LRRC14: variants seen among roughly 807,000 people sequenced by gnomAD.
The protein encoded by LRRC14 is leucine rich repeat containing 14.
A neutral mutation model predicts 25.3 loss-of-function variants in LRRC14; 16 were observed. That is an observed-to-expected ratio of 0.63 (90% CI 0.43 to 0.96). The LOEUF (loss-of-function observed/expected upper bound fraction) is 0.96. LRRC14 is among the 40% of genes least tolerant of loss of function. The pLI, the probability that LRRC14 is intolerant of heterozygous loss-of-function variation, is 0.00. For synonymous variants in LRRC14, 359 were observed against 295.1 expected, an observed-to-expected ratio of 1.22 and a Z score of -2.22; for missense variants, 594 against 660.5, an observed-to-expected ratio of 0.90 and a Z score of 1.10.
rs80106055 is a variant in LRRC14, at chr8:144,524,688, C to T, written c.*3210C>T. ...TGGCGCCAGGGCTCCCGGCTCTAGG[C>T]GGGCGATGTTGTTGTCCTGCAGGAA... On this transcript the variant is annotated 3_prime_UTR_variant, in exon 4 of 4. Transcript: ENST00000292524. The T allele has an allele frequency of 5.1e-3, 7,526 of 1,470,706 alleles. 327 individuals are homozygous for T. In the African/African-American group the frequency reaches 0.096, roughly 19 times the overall value. 91.1% of individuals were successfully genotyped at this position (1,470,706 alleles called of 1,614,324 possible). A position where few individuals can be genotyped will look rare whatever the true frequency, so the allele number is the denominator to read the frequency against.
In LRRC14 at chr8:144,524,296, G is replaced by T; in HGVS notation, c.*2818G>T. On this transcript the variant is annotated 3_prime_UTR_variant, in exon 4 of 4. Coordinates refer to ENST00000292524, the MANE Select transcript of LRRC14 (RefSeq NM_014665.4). ...TGCAGTCGCTGAAGTAAGGACAGCA[G>T]ATCGTGAGGAAAAAGGGCGCCGAGG... 6.2e-7 allele frequency: 1 copy of T among 1,609,574 alleles called. No homozygotes were observed. Among genetic ancestry groups the T allele is most frequent in the Non-Finnish European group, 8.5e-7 (1 of 1,179,806 alleles).
Position 144,521,285 on chromosome 8 carries a change from T to A in LRRC14, c.1289T>A (p.Phe430Tyr), listed in dbSNP as rs780244955. Residue 430 changes from phenylalanine to tyrosine, a missense_variant, in exon 4 of 4, where the codon TTC becomes TAC. Transcript: ENST00000292524. ...GAGCTGCGTACTGTGGTGCACCCCTTCCCTGTGGACTGCTATGAGGGCTTG... is the reference window on the plus strand; with the variant it reads ...GAGCTGCGTACTGTGGTGCACCCCTACCCTGTGGACTGCTATGAGGGCTTG... ...QAELRTVVHP[F>Y]PVDCYEGLPW... The A allele has an allele frequency of 1.2e-6, 2 of 1,613,068 alleles. No homozygotes were observed. The highest frequency in any genetic ancestry group is 2.2e-5 in the South Asian group (2 of 91,086).
rs1307456935 is a variant in LRRC14, at chr8:144,523,833, A to G, written c.*2355A>G. On this transcript the variant is annotated 3_prime_UTR_variant, in exon 4 of 4. Transcript: ENST00000292524. ...TGGTCAGCTGTCTCTCTCCTTTGCAATTTTGTCTGCCTCCCCTCAGCCTAA... is the reference window on the plus strand; with the variant it reads ...TGGTCAGCTGTCTCTCTCCTTTGCAGTTTTGTCTGCCTCCCCTCAGCCTAA... The G allele has an allele frequency of 1.5e-5, 7 of 473,746 alleles. No homozygotes were observed. The highest frequency in any genetic ancestry group is 7.9e-5 in the African/African-American group (4 of 50,672). 29.3% of individuals were successfully genotyped at this position (473,746 alleles called of 1,614,324 possible).
Position 144,521,796 on chromosome 8 carries a change from C to G in LRRC14, c.*318C>G, listed in dbSNP as rs1243599731. 8.6e-6 allele frequency: 3 copies of G among 349,606 alleles called. No homozygotes were observed. Among genetic ancestry groups the G allele is most frequent in the African/African-American group, 6.2e-5 (3 of 48,074 alleles). 21.7% of individuals were successfully genotyped at this position (349,606 alleles called of 1,614,324 possible). On this transcript the variant is annotated 3_prime_UTR_variant, in exon 4 of 4. Coordinates refer to ENST00000292524, the MANE Select transcript of LRRC14 (RefSeq NM_014665.4). Reference sequence around the variant, plus strand: ...TCCTTTGTGCAAATGCTTTGGGATTCCAGTTGTGAGCTGAGAGAGATGATG... The same window carrying G: ...TCCTTTGTGCAAATGCTTTGGGATTGCAGTTGTGAGCTGAGAGAGATGATG...
intron 1 of LRRC14, chr8:144,518,939 TG>T (rs1279210952): frequency 6.6e-6 from 1 of 152,388 alleles, no homozygotes; most frequent in Non-Finnish European, 1.5e-5. Flanking sequence ...ACTTAAGACT[TG>T]GTCTTTCCAC....
At position 144,519,987 on chromosome 8, in the gene LRRC14, G is replaced by A; in HGVS notation, c.262G>A (p.Val88Ile). 6.2e-7 allele frequency: 1 copy of A among 1,612,462 alleles called. No individual in the cohort carries two copies. The highest frequency in any genetic ancestry group is 1.1e-5 in the South Asian group (1 of 91,086). The change falls in exon 2 of 4, where the codon GTT (valine) becomes ATT (isoleucine). Residue 88 changes from valine (V) to isoleucine (I), a missense_variant. Physicochemically the swap from Val to Ile is conservative, Grantham distance 29. Coordinates refer to ENST00000292524, the MANE Select transcript of LRRC14 (RefSeq NM_014665.4). ...GCCTAGCACTGAGAGCATGCAGGCTGTTATCCTGGGGCTGACTGCCCGGCT... is the reference window on the plus strand; with the variant it reads ...GCCTAGCACTGAGAGCATGCAGGCTATTATCCTGGGGCTGACTGCCCGGCT... ...ERPSTESMQA[V>I]ILGLTARLHT...
Position 144,522,592 on chromosome 8 carries a change from G to C in LRRC14, c.*1114G>C. On this transcript the variant is annotated 3_prime_UTR_variant, in exon 4 of 4. Transcript: ENST00000292524. ...GACCCTCGGCGAAGAGCGGCTTGGA[G>C]CGGTTGATGACGAACATCTCGTGGC... 6.4e-7 allele frequency: 1 copy of C among 1,563,738 alleles called. No homozygotes were observed. Among genetic ancestry groups the C allele is most frequent in the Non-Finnish European group, 8.6e-7 (1 of 1,157,692 alleles).
chr8:144,524,289 G>A lies in LRRC14; in HGVS notation c.*2811G>A, dbSNP rs1159009841. ...AAGCTCCTGCAGTCGCTGAAGTAAGGACAGCAGATCGTGAGGAAAAAGGGC... is the reference window on the plus strand; with the variant it reads ...AAGCTCCTGCAGTCGCTGAAGTAAGAACAGCAGATCGTGAGGAAAAAGGGC... On this transcript the variant is annotated 3_prime_UTR_variant, in exon 4 of 4. Coordinates refer to ENST00000292524, the MANE Select transcript of LRRC14 (RefSeq NM_014665.4). The A allele has an allele frequency of 9.9e-6, 16 of 1,610,452 alleles. No individual in the cohort carries two copies. Among genetic ancestry groups the A allele is most frequent in the Admixed American group, 1.7e-5 (1 of 59,992 alleles).
Position 144,520,602 on chromosome 8 carries a change from C to G in LRRC14, c.694C>G (p.Leu232Val). The stretch of plus-strand genomic sequence containing the variant: ...CCGCGTGGACCTGCGCTTCAACAAT[C>G]TGGGCCTGCGCGGCCTGTCTGTGAT... The part of the protein sequence containing the change: ...LRRVDLRFNN[L>V]GLRGLSVIIP... The change falls in exon 3 of 4, where the codon CTG becomes GTG. Residue 232 changes from leucine to valine, a missense_variant. By Grantham distance (32) the Leu-to-Val change is conservative. Transcript: ENST00000292524. 1 of 1,601,440 alleles carries G rather than the reference C, an allele frequency of 6.2e-7. No homozygotes were observed. Among genetic ancestry groups the G allele is most frequent in the Non-Finnish European group, 8.5e-7 (1 of 1,179,946 alleles).
chr8:144,523,877 A>T lies in LRRC14; in HGVS notation c.*2399A>T. ...AGCCTAAAAGTGTGCAGAACCCTCAATTCTGTTAAGTCACCCTGTGGAGTT... is the reference window on the plus strand; with the variant it reads ...AGCCTAAAAGTGTGCAGAACCCTCATTTCTGTTAAGTCACCCTGTGGAGTT... On this transcript the variant is annotated 3_prime_UTR_variant, in exon 4 of 4. Coordinates refer to ENST00000292524, the MANE Select transcript of LRRC14 (RefSeq NM_014665.4). The T allele has an allele frequency of 1.8e-6, 1 of 565,060 alleles. No homozygotes were observed. The highest frequency in any genetic ancestry group is 3.1e-6 in the Non-Finnish European group (1 of 322,380). The allele number at this position is 565,060 out of a possible 1,614,324, so 35.0% of individuals were successfully genotyped here. A position where few individuals can be genotyped will look rare whatever the true frequency, so the allele number is the denominator to read the frequency against.
In LRRC14 at chr8:144,525,107, C is replaced by T. The variant is rs1033799268; in HGVS notation, c.*3629C>T. On this transcript the variant is annotated 3_prime_UTR_variant, in exon 4 of 4. Transcript: ENST00000292524. ...TAGATGGAATGGAGGCCTGCACCTG[C>T]GTCTAACTTTTGACGCTATAAATAG... 5.9e-6 allele frequency: 6 copies of T among 1,021,122 alleles called. No individual in the cohort carries two copies. The highest frequency in any genetic ancestry group is 3.8e-5 in the Admixed American group (1 of 26,146). The allele number at this position is 1,021,122 out of a possible 1,614,324, so 63.3% of individuals were successfully genotyped here. A position where few individuals can be genotyped will look rare whatever the true frequency, so the allele number is the denominator to read the frequency against.
rs780360583 is a variant in LRRC14 at position 144,522,947 on chromosome 8, G to A, written c.*1469G>A. Reference sequence around the variant, plus strand: ...GGACGCGTTGACCAGGAGCCGGAAGGGCACGCGGGCAGCGCCGCCGGCGTT... The same window carrying A: ...GGACGCGTTGACCAGGAGCCGGAAGAGCACGCGGGCAGCGCCGCCGGCGTT... On this transcript the variant is annotated 3_prime_UTR_variant, in exon 4 of 4. Transcript: ENST00000292524. The A allele has an allele frequency of 6.4e-7, 1 of 1,569,246 alleles. No individual in the cohort carries two copies. Among genetic ancestry groups the A allele is most frequent in the Admixed American group, 1.8e-5 (1 of 56,924 alleles).
intron 3 of LRRC14, 43 bp from the exon 4 acceptor site, chr8:144,520,868 C>G (rs749370640): frequency 1.3e-6 from 2 of 1,594,146 alleles, no homozygotes; most frequent in East Asian, 4.5e-5. Context: ...CTGTAGGGAC[C>G]CTCCCTGGCT....
chr8:144,522,420 C>A lies in LRRC14; in HGVS notation c.*942C>A, dbSNP rs766090530. 2.1e-5 allele frequency: 29 copies of A among 1,377,280 alleles called. No homozygotes were observed. The highest frequency in any genetic ancestry group is 2.7e-5 in the Non-Finnish European group (29 of 1,073,410). 85.3% of individuals were successfully genotyped at this position (1,377,280 alleles called of 1,614,324 possible). On this transcript the variant is annotated 3_prime_UTR_variant, in exon 4 of 4. Coordinates refer to ENST00000292524, the MANE Select transcript of LRRC14 (RefSeq NM_014665.4). ...CTTCCACCTTTACTGACGGAGCATG[C>A]GCGAGGCCGCACCGGCCAATCTCCG... is the stretch of plus-strand genomic sequence containing the variant.
At position 144,520,362 on chromosome 8, in the gene LRRC14, C is replaced by T. The variant is rs772590477; in HGVS notation, c.454C>T (p.Gln152Ter). 1.2e-6 allele frequency: 2 copies of T among 1,611,664 alleles called. No individual in the cohort carries two copies. The highest frequency in any genetic ancestry group is 1.7e-6 in the Non-Finnish European group (2 of 1,179,722). The change falls in exon 3 of 4, where the codon CAG (glutamine) becomes TAG (stop). Residue 152 changes from glutamine to a stop codon, truncating the protein, a stop_gained. Transcript: ENST00000292524. LOFTEE classifies it high-confidence loss of function. ...AVARTCIAQQQGGAAEPGPAP... is the reference protein window; with the variant it reads ...AVARTCIAQQ ...AGCTCGCACATGCATTGCCCAGCAG[C>T]AGGGTGGGGCCGCAGAGCCTGGGCC...
rs750310266 is a variant in LRRC14 at position 144,523,807 on chromosome 8, C to T, written c.*2329C>T. Reference sequence around the variant, plus strand: ...CCCTCTCTTGGGAATGTCCCCAGTCCTGGTCAGCTGTCTCTCTCCTTTGCA... The same window carrying T: ...CCCTCTCTTGGGAATGTCCCCAGTCTTGGTCAGCTGTCTCTCTCCTTTGCA... On this transcript the variant is annotated 3_prime_UTR_variant, in exon 4 of 4. Coordinates refer to ENST00000292524, the MANE Select transcript of LRRC14 (RefSeq NM_014665.4). 7.2e-5 allele frequency: 33 copies of T among 461,374 alleles called. No individual in the cohort carries two copies. The highest frequency in any genetic ancestry group is 6.5e-4 in the Admixed American group (17 of 25,992). The allele number at this position is 461,374 out of a possible 1,614,324, so 28.6% of individuals were successfully genotyped here. A position where few individuals can be genotyped will look rare whatever the true frequency, so the allele number is the denominator to read the frequency against.
intron 1 of LRRC14, chr8:144,519,388 G>A (rs1401758167): frequency 4.8e-6 from 2 of 418,450 alleles, no homozygotes; most frequent in Non-Finnish European, 8.9e-6. Flanking sequence ...ACCCATGGGG[G>A]GCCCTGCAAG....
chr8:144,522,145 C>G lies in LRRC14; in HGVS notation c.*667C>G, dbSNP rs561566777. ...GCCTGTCGCCCCGCCCTTCGCGGGG[C>G]AGCCCCGTCGGCACTGCCGGCCAGT... is the stretch of plus-strand genomic sequence containing the variant. On this transcript the variant is annotated 3_prime_UTR_variant, in exon 4 of 4. Coordinates refer to ENST00000292524, the MANE Select transcript of LRRC14 (RefSeq NM_014665.4). The G allele has an allele frequency of 9.3e-6, 3 of 320,900 alleles. No individual in the cohort carries two copies. The South Asian group carries it at 3.2e-4, about 35-fold the overall frequency. The allele number at this position is 320,900 out of a possible 1,614,324, so 19.9% of individuals were successfully genotyped here.
rs1431391316 is a variant in LRRC14 at position 144,519,904 on chromosome 8, G to A, written c.179G>A (p.Ser60Asn). The A allele has an allele frequency of 6.2e-7, 1 of 1,613,398 alleles. No homozygotes were observed. The highest frequency in any genetic ancestry group is 1.1e-5 in the South Asian group (1 of 91,090). ...LVHTWPFPLL[S>N]FQQLLQECAH... ...CACACGTGGCCCTTCCCGCTGCTCAGTTTCCAGCAGCTGCTACAGGAGTGT... is the reference window on the plus strand; with the variant it reads ...CACACGTGGCCCTTCCCGCTGCTCAATTTCCAGCAGCTGCTACAGGAGTGT... Residue 60 changes from serine (S) to asparagine (N), a missense_variant, in exon 2 of 4, where the codon AGT becomes AAT. Ser to Asn is a conservative substitution (Grantham distance 46). Coordinates refer to ENST00000292524, the MANE Select transcript of LRRC14 (RefSeq NM_014665.4).
Sources: gnomAD v4.1 joint callset for allele counts on GRCh38, gnomAD v4.1.1 for gene constraint, MANE v1.5 for transcripts, NCBI Gene and HGNC (gene_info 2026-07-23, HGNC 2026-07-21) for gene names.